The following XRRA1 variants were observed in gnomAD, a reference collection of about 807,000 sequenced individuals.
XRRA1 encodes X-ray radiation resistance associated 1.
Under a neutral mutation model 80.2 loss-of-function variants are expected in XRRA1, and 69 were observed. That is an observed-to-expected ratio of 0.86 (90% CI 0.71 to 1.05). The LOEUF (loss-of-function observed/expected upper bound fraction) is 1.05, where lower values mean the gene tolerates loss of function less well. Among genes scored for constraint, XRRA1 ranks in the 50% least tolerant of loss-of-function variants. XRRA1 has a pLI of 0.00. For synonymous variants in XRRA1, 348 were observed against 389.9 expected, an observed-to-expected ratio of 0.89 and a Z score of 1.27; for missense variants, 967 against 976.4, an observed-to-expected ratio of 0.99 and a Z score of 0.13.
intron 15 of XRRA1, 40 bp from the exon 16 acceptor site, chr11:74,845,311 C>T (rs530980490): frequency 1.9e-6 from 3 of 1,555,548 alleles, no homozygotes; most frequent in East Asian, 4.7e-5. Flanking sequence ...GTCACTCATT[C>T]ATTCATTCAT....
chr11:74,868,394 GAA>G (rs2043960129), intron 10 of XRRA1, among the ~76,000 whole-genome samples: 1 of 152,174 alleles, frequency 6.6e-6, no homozygotes, highest in Non-Finnish European at 1.5e-5. Flanking sequence ...AACTTGGAAA[GAA>G]AAGACTGTTA....
chr11:74,921,938 T>A (rs1310483131), intron 7 of XRRA1, among the ~76,000 whole-genome samples: 1 of 152,148 alleles, frequency 6.6e-6, no homozygotes, highest in Non-Finnish European at 1.5e-5. Flanking sequence ...GCATAAGACC[T>A]GGCACAAAGT....
At chr11:74,856,034 A>G (rs2041008054) in intron 12 of XRRA1, among the ~76,000 whole-genome samples, 1 of 152,176 alleles carries the variant, frequency 6.6e-6, no homozygotes, top group South Asian at 2.1e-4. Context: ...TGGGAGGCTG[A>G]GGCAGGAGAA....
At chr11:74,878,901 G>T (rs1177802844) in intron 10 of XRRA1, among the ~76,000 whole-genome samples, 1 of 151,814 alleles carries the variant, frequency 6.6e-6, no homozygotes, top group Admixed American at 6.6e-5. Context: ...GTAGTGTGAT[G>T]CCTCCAGCTT....
chr11:74,910,401 C>G (rs17133538), intron 8 of XRRA1, among the ~76,000 whole-genome samples: 352 of 152,166 alleles, frequency 2.3e-3, no homozygotes, highest in African/African-American at 8.1e-3. Context: ...AGAGAGTAGG[C>G]CTAATGAAAG....
At chr11:74,873,683 G>A (rs1026240432) in intron 10 of XRRA1, among the ~76,000 whole-genome samples, 1 of 152,210 alleles carries the variant, frequency 6.6e-6, no homozygotes, top group Non-Finnish European at 1.5e-5. Context: ...CAGGAAGGCA[G>A]TGAAGCTCTT....
chr11:74,852,172 C>A, intron 12 of XRRA1, 90 bp from the exon 13 acceptor site: 2 of 1,089,468 alleles, frequency 1.8e-6, no homozygotes, highest in South Asian at 1.3e-5. Flanking sequence ...GGGCTACATG[C>A]TTGCTAGGAT....
At chr11:74,867,940 A>ATTTTTTTT (rs2043835690) in intron 10 of XRRA1, among the ~76,000 whole-genome samples, 1 of 14,752 alleles carries the variant, frequency 6.8e-5, no homozygotes. Context: ...TTTTTTTCTG[A>ATTTTTTTT]GACAGAGTCT....
chr11:74,933,893 T>C, intron 4 of XRRA1, 21 bp from the exon 5 acceptor site: 1 of 1,593,284 alleles, frequency 6.3e-7, no homozygotes. Context: ...ATACAAAGAG[T>C]TGTCTCTTAA....
intron 7 of XRRA1, among the ~76,000 whole-genome samples, chr11:74,926,528 G>A (rs866034729): frequency 5.3e-5 from 8 of 152,122 alleles, no homozygotes; most frequent in South Asian, 2.1e-4. Flanking sequence ...GTGAGTGAGC[G>A]TGGTCAGATG....
rs971365648 is a variant in XRRA1 at position 74,936,070 on chromosome 11, C to T, written c.279+814G>A. On this transcript the variant is annotated intron_variant, in intron 4 of 18. Transcript: ENST00000684022. ...GTTCTCTTTCAACATCTGATTTATG[C>T]AGGCACCCATCTCTTGGGAACCATA... 4.6e-5 allele frequency among the ~76,000 whole-genome samples: 7 copies of T among 152,216 alleles called. No homozygotes were observed. The South Asian group carries it at 6.2e-4, about 14-fold the overall frequency.
At chr11:74,872,793 T>TGAAG (rs890219334) in intron 10 of XRRA1, among the ~76,000 whole-genome samples, 1 of 152,226 alleles carries the variant, frequency 6.6e-6, no homozygotes, top group South Asian at 2.1e-4. Flanking sequence ...TTCTGAAAAT[T>TGAAG]GAAGGAAGGA....
chr11:74,890,413 G>T (rs1239274036), intron 10 of XRRA1, among the ~76,000 whole-genome samples: 1 of 152,164 alleles, frequency 6.6e-6, no homozygotes, highest in Non-Finnish European at 1.5e-5. Flanking sequence ...TGTGTAGAGG[G>T]AAATTTATAG....
chr11:74,916,027 A>G (rs1399962137), intron 8 of XRRA1, among the ~76,000 whole-genome samples: 1 of 152,178 alleles, frequency 6.6e-6, no homozygotes, highest in East Asian at 1.9e-4. Context: ...GTTTCTGACA[A>G]GAAGTCTGCT....
intron 10 of XRRA1, among the ~76,000 whole-genome samples, chr11:74,866,519 G>A (rs1232190794): frequency 2.0e-5 from 3 of 152,096 alleles, no homozygotes; most frequent in Non-Finnish European, 4.4e-5. Flanking sequence ...GCCTCCCAAA[G>A]TGCTGGGATT....
chr11:74,898,518 C>T (rs1280674698), intron 10 of XRRA1, among the ~76,000 whole-genome samples: 1 of 151,482 alleles, frequency 6.6e-6, no homozygotes, highest in Non-Finnish European at 1.5e-5. Flanking sequence ...AGAAACACAC[C>T]TCATCTAAAA....
At chr11:74,880,781 A>T (rs1484028049) in intron 10 of XRRA1, among the ~76,000 whole-genome samples, 3 of 151,410 alleles carry the variant, frequency 2.0e-5, no homozygotes. Flanking sequence ...TTTGAGTGAG[A>T]TTCTTAATCC....
At chr11:74,936,312 T>A (rs1944973262) in intron 4 of XRRA1, among the ~76,000 whole-genome samples, 1 of 152,156 alleles carries the variant, frequency 6.6e-6, no homozygotes, top group Admixed American at 6.5e-5. Context: ...TCTGGTCAGC[T>A]CCCTTGGCTT....
chr11:74,938,977 C>A (rs1475882934), intron 3 of XRRA1, among the ~76,000 whole-genome samples: 1 of 152,220 alleles, frequency 6.6e-6, no homozygotes, highest in African/African-American at 2.4e-5. Context: ...TTCTTACCTA[C>A]AAAAATTATT....
Sources: gnomAD v4.1 joint callset for allele counts (sites outside exome capture counted in the v4.1 genomes callset) on GRCh38, gnomAD v4.1.1 for gene constraint, MANE v1.5 for transcripts, NCBI Gene and HGNC (gene_info 2026-07-23, HGNC 2026-07-21) for gene names.